The following CCDC38 variants were observed in gnomAD, a reference collection of about 807,000 sequenced individuals.
The protein encoded by CCDC38 is coiled-coil domain-containing protein 38.
In CCDC38, 69 loss-of-function variants were observed where a neutral mutation model predicts 72.8. That is an observed-to-expected ratio of 0.95 (90% confidence interval 0.78 to 1.16). The LOEUF (loss-of-function observed/expected upper bound fraction) is 1.16, where lower values mean the gene tolerates loss of function less well. Among genes scored for constraint, CCDC38 ranks in the 50% most tolerant of loss-of-function variants. CCDC38 has a pLI of 0.00. For missense variants in CCDC38, 626 were observed against 638.9 expected, an observed-to-expected ratio of 0.98 and a Z score of 0.22; for synonymous variants, 201 against 213.2, an observed-to-expected ratio of 0.94 and a Z score of 0.50.
intron 15 of CCDC38, 29 bp from the exon 16 acceptor site, chr12:95,867,218 A>G (rs756409710): frequency 1.1e-5 from 14 of 1,228,130 alleles, no homozygotes; most frequent in Non-Finnish European, 1.5e-5. Context: ...AAAATACTTA[A>G]TATTTTTTGA....
chr12:95,867,196 CAAAAGA>C lies in CCDC38; in HGVS notation c.1579-13_1579-8del, dbSNP rs1232565536. The C allele has an allele frequency of 2.7e-6, 4 of 1,466,232 alleles. No homozygotes were observed. Among genetic ancestry groups the C allele is most frequent in the African/African-American group, 1.4e-5 (1 of 71,196 alleles). The allele number at this position is 1,466,232 out of a possible 1,614,324, so 90.8% of individuals were successfully genotyped here. On this transcript the variant is annotated splice_polypyrimidine_tract_variant and splice_region_variant and intron_variant, in intron 15 of 15. Transcript: ENST00000344280. The stretch of plus-strand genomic sequence containing the variant: ...AGACAAGTCGTCTTCCCAACTGAAA[CAAAAGA>C]AAAACAAAATACTTAATATTTTTTG...
chr12:95,877,214 A>G (rs988677870), intron 13 of CCDC38, among the ~76,000 whole-genome samples: 2 of 152,228 alleles, frequency 1.3e-5, no homozygotes, highest in Admixed American at 6.5e-5. Context: ...CTGAGGCTCC[A>G]GAGGAAGGTC....
intron 7 of CCDC38, among the ~76,000 whole-genome samples, chr12:95,897,490 A>G (rs947699503): frequency 8.6e-5 from 13 of 151,574 alleles, no homozygotes; most frequent in African/African-American, 3.2e-4. Context: ...GGCACCTGTA[A>G]TCCCAGCTAC....
intron 2 of CCDC38, among the ~76,000 whole-genome samples, chr12:95,929,520 G>A (rs1014486948): frequency 6.6e-6 from 1 of 152,198 alleles, no homozygotes; most frequent in Non-Finnish European, 1.5e-5. Context: ...CACGCTGGGA[G>A]CTGTAGACGG....
chr12:95,897,242 A>G (rs2079899367), intron 7 of CCDC38, among the ~76,000 whole-genome samples: 2 of 152,162 alleles, frequency 1.3e-5, no homozygotes. Context: ...ACCTGATACC[A>G]ACACTACAGT....
chr12:95,922,246 G>A (rs2080217298), intron 2 of CCDC38, among the ~76,000 whole-genome samples: 1 of 152,186 alleles, frequency 6.6e-6, no homozygotes, highest in African/African-American at 2.4e-5. Flanking sequence ...TGATGGTGAT[G>A]GAGTGAATCC....
At chr12:95,917,949 T>A (rs1221784456) in intron 3 of CCDC38, among the ~76,000 whole-genome samples, 4 of 152,098 alleles carry the variant, frequency 2.6e-5, no homozygotes, top group African/African-American at 9.7e-5. Flanking sequence ...CCAGTAGATA[T>A]TTAAAAATTA....
intron 4 of CCDC38, 92 bp downstream of exon 4, chr12:95,917,037 G>T: frequency 1.1e-6 from 1 of 924,020 alleles, no homozygotes; most frequent in Non-Finnish European, 1.6e-6. Flanking sequence ...AGAGCATACT[G>T]TCTGTTTTAA....
At chr12:95,892,930 C>T (rs921197912) in intron 8 of CCDC38, among the ~76,000 whole-genome samples, 1 of 152,068 alleles carries the variant, frequency 6.6e-6, no homozygotes, top group Non-Finnish European at 1.5e-5. Context: ...GACCCAATGC[C>T]AGTACATGAC....
intron 2 of CCDC38, among the ~76,000 whole-genome samples, chr12:95,931,593 C>T (rs1479559143): frequency 4.6e-5 from 7 of 152,090 alleles, no homozygotes; most frequent in Admixed American, 3.9e-4. Flanking sequence ...TTCATTCATT[C>T]AACAAATACC....
intron 5 of CCDC38, chr12:95,903,438 G>C (rs566825400): frequency 2.9e-6 from 2 of 699,758 alleles, no homozygotes; most frequent in African/African-American, 3.5e-5. Context: ...AAAAGAAGTG[G>C]TGCAGTGGAA....
intron 5 of CCDC38, chr12:95,903,411 C>T (rs1249873379): frequency 1.4e-6 from 1 of 698,744 alleles, no homozygotes; most frequent in Admixed American, 2.0e-5. Context: ...CTAGCTAGGA[C>T]CTCCAGAACA....
At chr12:95,912,294 A>T (rs766835677) in intron 4 of CCDC38, among the ~76,000 whole-genome samples, 1 of 152,214 alleles carries the variant, frequency 6.6e-6, no homozygotes, top group Non-Finnish European at 1.5e-5. Flanking sequence ...GATGCAATCA[A>T]TAGAAGCCCA....
chr12:95,926,832 T>C (rs1428493258), intron 2 of CCDC38, among the ~76,000 whole-genome samples: 1 of 151,564 alleles, frequency 6.6e-6, no homozygotes, highest in Non-Finnish European at 1.5e-5. Context: ...GTTGTTCAGT[T>C]TCCATGTAGT....
intron 14 of CCDC38, among the ~76,000 whole-genome samples, chr12:95,872,013 C>G (rs2079585527): frequency 2.0e-5 from 3 of 152,158 alleles, no homozygotes; most frequent in Admixed American, 1.3e-4. Flanking sequence ...GAACTCTGTT[C>G]ACCCAGTTCC....
intron 8 of CCDC38, among the ~76,000 whole-genome samples, chr12:95,893,861 A>G (rs2079857173): frequency 6.6e-6 from 1 of 151,952 alleles, no homozygotes; most frequent in East Asian, 1.9e-4. Flanking sequence ...ATGTTAATAT[A>G]TAAGTAAATA....
At chr12:95,873,280 A>G (rs1485232137) in intron 13 of CCDC38, among the ~76,000 whole-genome samples, 4 of 152,210 alleles carry the variant, frequency 2.6e-5, no homozygotes, top group Admixed American at 6.5e-5. Flanking sequence ...ACTTACAACT[A>G]AAACAGTGCT....
chr12:95,890,773 C>T lies in CCDC38; in HGVS notation c.871+59G>A, dbSNP rs541526866. 47 of 1,061,150 alleles carry T rather than the reference C, an allele frequency of 4.4e-5. No individual in the cohort carries two copies. In the African/African-American group the frequency reaches 6.2e-4, roughly 14 times the overall value. The allele number at this position is 1,061,150 out of a possible 1,614,324, so 65.7% of individuals were successfully genotyped here. ...AGGTTGGCTTGTAGTCCTCTGTCTC[C>T]ACTTTGAGATGGACACATTCGCAGG... On this transcript the variant is annotated intron_variant, in intron 9 of 15. Transcript: ENST00000344280.
chr12:95,907,744 G>T (rs1361586415), intron 4 of CCDC38, among the ~76,000 whole-genome samples: 1 of 150,042 alleles, frequency 6.7e-6, no homozygotes, highest in Non-Finnish European at 1.5e-5. Context: ...GCCAGGCAGA[G>T]GGTCTCCTCA....
Sources: gnomAD v4.1 joint callset for allele counts (sites outside exome capture counted in the v4.1 genomes callset) on GRCh38, gnomAD v4.1.1 for gene constraint, MANE v1.5 for transcripts, NCBI Gene and HGNC (gene_info 2026-07-23, HGNC 2026-07-21) for gene names.